CDIN1: variants seen among roughly 807,000 people sequenced by gnomAD.
CDIN1 encodes the protein CDAN1-interacting nuclease 1.
CDIN1 carries 33 observed loss-of-function variants against 45.3 expected under a neutral mutation model. The observed-to-expected ratio is 0.73, with a 90% CI of 0.55 to 0.97. CDIN1 has a LOEUF of 0.97. CDIN1 is among the 50% of genes least tolerant of loss of function. The pLI is 0.00. For synonymous variants in CDIN1, 118 were observed against 124.4 expected (o/e 0.95, Z 0.34); for missense variants, 303 against 339.4 (o/e 0.89, Z 0.84).
At chr15:36,784,761 C>G (rs2054445780) in intron 10 of CDIN1, among the ~76,000 whole-genome samples, 1 of 152,046 alleles carries the variant, frequency 6.6e-6, no homozygotes, top group Non-Finnish European at 1.5e-5. Context: ...CTTTAAAAAA[C>G]ATTCTTTATA....
At chr15:36,593,402 G>A (rs1235624305) in intron 1 of CDIN1, among the ~76,000 whole-genome samples, 1 of 152,106 alleles carries the variant, frequency 6.6e-6, no homozygotes. Flanking sequence ...TCTCTATCAG[G>A]TAGTAGCTTG....
chr15:36,590,911 C>T (rs1282368069), intron 1 of CDIN1, among the ~76,000 whole-genome samples: 1 of 152,208 alleles, frequency 6.6e-6, no homozygotes, highest in Non-Finnish European at 1.5e-5. Context: ...ACTTGTGCAT[C>T]CTCAGATCAG....
intron 10 of CDIN1, among the ~76,000 whole-genome samples, chr15:36,714,783 TTGTC>T (rs1214631123): frequency 1.3e-5 from 2 of 152,148 alleles, no homozygotes; most frequent in Non-Finnish European, 2.9e-5. Flanking sequence ...CACACTCTGG[TTGTC>T]TGCCCTCTTA....
chr15:36,658,561 G>A (rs984627968), intron 5 of CDIN1, among the ~76,000 whole-genome samples: 1 of 152,110 alleles, frequency 6.6e-6, no homozygotes, highest in Non-Finnish European at 1.5e-5. Context: ...CTTTTACTAG[G>A]CAGGAGTTTG....
At chr15:36,748,755 T>C (rs1382245554) in intron 10 of CDIN1, among the ~76,000 whole-genome samples, 3 of 152,188 alleles carry the variant, frequency 2.0e-5, no homozygotes, top group African/African-American at 7.2e-5. Context: ...TTACTAGATC[T>C]ATGTGACTTC....
chr15:36,708,849 A>T (rs2042958957), intron 8 of CDIN1: 1 of 158,452 alleles, frequency 6.3e-6, no homozygotes, highest in South Asian at 2.0e-4. Context: ...CCCCTTTACT[A>T]TAAATTTTCA....
chr15:36,751,229 TTATATATATA>T lies in CDIN1; in HGVS notation c.716+41290_716+41299del, dbSNP rs10557235. On this transcript the variant is annotated intron_variant, in intron 10 of 10. Transcript: ENST00000566621. ...ATAAAAGCATATATATATGCTTATT[TTATATATATA>T]TATATATATATATATATATATGGCA... Among the ~76,000 whole-genome samples the T allele has an allele frequency of 1.7e-4, 17 of 97,568 alleles. No homozygotes were observed. The East Asian group carries it at 2.5e-3, about 15-fold the overall frequency. 64.0% of individuals were successfully genotyped at this position (97,568 alleles called of 152,430 possible). A position where few individuals can be genotyped will look rare whatever the true frequency, so the allele number is the denominator to read the frequency against.
chr15:36,690,277 T>C (rs1271102019), intron 5 of CDIN1, among the ~76,000 whole-genome samples: 1 of 150,438 alleles, frequency 6.6e-6, no homozygotes, highest in Non-Finnish European at 1.5e-5. Context: ...ATTTTTTTCT[T>C]TTTTTTTTTG....
At chr15:36,685,725 C>A (rs1316719895) in intron 5 of CDIN1, among the ~76,000 whole-genome samples, 3 of 152,128 alleles carry the variant, frequency 2.0e-5, no homozygotes, top group Non-Finnish European at 2.9e-5. Flanking sequence ...AAAAAACAAA[C>A]AACCCCATCA....
chr15:36,756,960 C>T (rs1157604322), intron 10 of CDIN1, among the ~76,000 whole-genome samples: 1 of 152,098 alleles, frequency 6.6e-6, no homozygotes, highest in African/African-American at 2.4e-5. Flanking sequence ...ATGGAGTCCC[C>T]CATGGCGCTC....
intron 10 of CDIN1, among the ~76,000 whole-genome samples, chr15:36,751,229 T>TTTTATATATA (rs568110101): frequency 7.2e-5 from 7 of 97,612 alleles, no homozygotes; most frequent in African/African-American, 1.3e-4. Context: ...TATGCTTATT[T>TTTTATATATA]TATATATATA....
intron 10 of CDIN1, chr15:36,747,238 G>GT (rs2044478470): frequency 2.8e-6 from 1 of 353,102 alleles, no homozygotes; most frequent in African/African-American, 2.1e-5. Flanking sequence ...GATAGTTCCC[G>GT]TAACACTTGT....
intron 10 of CDIN1, among the ~76,000 whole-genome samples, chr15:36,716,765 A>T (rs917739413): frequency 6.6e-6 from 1 of 152,166 alleles, no homozygotes; most frequent in Admixed American, 6.6e-5. Flanking sequence ...TTCTTAGCTT[A>T]TCTGCTTCCA....
chr15:36,698,435 T>C (rs1052551655), intron 8 of CDIN1, among the ~76,000 whole-genome samples: 1 of 152,228 alleles, frequency 6.6e-6, no homozygotes, highest in Non-Finnish European at 1.5e-5. Context: ...AATTTCAGTA[T>C]GTAGAAGCAG....
chr15:36,635,602 A>G (rs2039867067), intron 1 of CDIN1, among the ~76,000 whole-genome samples: 1 of 152,174 alleles, frequency 6.6e-6, no homozygotes, highest in South Asian at 2.1e-4. Flanking sequence ...ACTCAGTTGC[A>G]TAAGGACACA....
At chr15:36,677,993 A>C (rs1014598513) in intron 5 of CDIN1, among the ~76,000 whole-genome samples, 3 of 152,182 alleles carry the variant, frequency 2.0e-5, no homozygotes, top group South Asian at 2.1e-4. Flanking sequence ...CATGCTTTGG[A>C]GATATCTTCC....
intron 1 of CDIN1, among the ~76,000 whole-genome samples, chr15:36,608,799 A>G (rs1363309415): frequency 6.6e-6 from 1 of 152,120 alleles, no homozygotes; most frequent in Non-Finnish European, 1.5e-5. Flanking sequence ...TTCTTTAAAC[A>G]GTATGTTAAA....
intron 5 of CDIN1, among the ~76,000 whole-genome samples, chr15:36,690,358 TC>T (rs1372400618): frequency 6.6e-6 from 1 of 151,908 alleles, no homozygotes; most frequent in Non-Finnish European, 1.5e-5. Context: ...AACCTCCGCC[TC>T]CCGGGTTCAT....
chr15:36,697,496 G>A, intron 8 of CDIN1, 106 bp downstream of exon 8: 1 of 897,932 alleles, frequency 1.1e-6, no homozygotes, highest in Non-Finnish European at 1.7e-6. Flanking sequence ...GATTGATGCT[G>A]TGCATATTAT....
Sources: allele counts gnomAD v4.1 joint callset (sites outside exome capture counted in the v4.1 genomes callset), GRCh38; gene constraint gnomAD v4.1.1; transcripts MANE v1.5; gene names NCBI Gene and HGNC (gene_info 2026-07-23, HGNC 2026-07-21).